Variants in GYPC observed in about 807,000 individuals in gnomAD.
The protein encoded by GYPC is glycophorin-C.
GYPC carries 14 observed loss-of-function variants against 12.6 expected under a neutral mutation model. That is an observed-to-expected ratio of 1.11 (90% CI 0.74 to 1.74). The LOEUF (loss-of-function observed/expected upper bound fraction) is 1.74. Ranked by LOEUF, GYPC falls within the 40% of genes most tolerant of loss-of-function variation. The probability of loss-of-function intolerance (pLI) is 0.00; values close to 1 mark genes in which losing one functional copy is unlikely to be tolerated. For missense variants in GYPC, 225 were observed against 172.1 expected (o/e 1.31, Z -1.72); for synonymous variants, 78 against 62.1 (o/e 1.26, Z -1.20).
chr2:126,691,424 C>G (rs1319617531), intron 2 of GYPC, among the ~76,000 whole-genome samples: 1 of 152,120 alleles, frequency 6.6e-6, no homozygotes, highest in African/African-American at 2.4e-5. Context: ...GCATTCTCTG[C>G]GTTACCCTCT....
chr2:126,660,441 G>C (rs768482488), intron 1 of GYPC, among the ~76,000 whole-genome samples: 1 of 152,132 alleles, frequency 6.6e-6, no homozygotes, highest in Non-Finnish European at 1.5e-5. Flanking sequence ...AACACGCCGC[G>C]GGCCTGGCAC....
intron 3 of GYPC, 65 bp downstream of exon 3, chr2:126,694,012 G>A (rs569679545): frequency 1.9e-4 from 209 of 1,103,442 alleles, no homozygotes; most frequent in Admixed American, 3.7e-4. Context: ...AACATCCAGG[G>A]GAGAACTGAC....
chr2:126,684,549 G>A (rs1170150091), intron 1 of GYPC, among the ~76,000 whole-genome samples: 2 of 152,140 alleles, frequency 1.3e-5, no homozygotes, highest in African/African-American at 4.8e-5. Flanking sequence ...CACCTCTTCA[G>A]GAAGCCTTTC....
chr2:126,675,655 T>G (rs758700832), intron 1 of GYPC: 54 of 983,856 alleles, frequency 5.5e-5, no homozygotes, highest in Non-Finnish European at 6.3e-5. Flanking sequence ...CTATGACCTC[T>G]TCACCTGTCG....
intron 1 of GYPC, among the ~76,000 whole-genome samples, chr2:126,689,155 A>G (rs1333237699): frequency 1.3e-5 from 2 of 152,104 alleles, no homozygotes; most frequent in African/African-American, 2.4e-5. Flanking sequence ...CAGCAGAGTC[A>G]ATGTAAAGAC....
chr2:126,682,874 C>G (rs751130946), intron 1 of GYPC, among the ~76,000 whole-genome samples: 2 of 152,206 alleles, frequency 1.3e-5, no homozygotes, highest in Non-Finnish European at 2.9e-5. Context: ...GCTTCCCAGA[C>G]GTAAGAGCCA....
chr2:126,671,355 TC>T (rs1682849972), intron 1 of GYPC, among the ~76,000 whole-genome samples: 1 of 152,170 alleles, frequency 6.6e-6, no homozygotes, highest in African/African-American at 2.4e-5. Flanking sequence ...GAGGCAGGCT[TC>T]CCTGAGCCCG....
At position 126,690,261 on chromosome 2, in the gene GYPC, A is replaced by T. The variant is rs749522569; in HGVS notation, c.56A>T (p.Asp19Val). 2.7e-5 allele frequency: 43 copies of T among 1,612,156 alleles called. No individual in the cohort carries two copies. Among genetic ancestry groups the T allele is most frequent in the Non-Finnish European group, 5.1e-6 (6 of 1,178,354 alleles). Residue 19 changes from aspartate to valine, a missense_variant, in exon 2 of 4, where the codon GAT (aspartate) becomes GTT (valine). By Grantham distance (152) the Asp-to-Val change is radical. Coordinates refer to ENST00000259254, the MANE Select transcript of GYPC (RefSeq NM_002101.5). ...STAWPLSLEP[D>V]PGMASASTTM... ...TCTTGTCCTCTGTTCACAGAGCCTG[A>T]TCCGGGGATGGCCTCTGCCTCCACC...
At chr2:126,682,435 G>A (rs925633164) in intron 1 of GYPC, among the ~76,000 whole-genome samples, 1 of 152,176 alleles carries the variant, frequency 6.6e-6, no homozygotes, top group African/African-American at 2.4e-5. Context: ...GGGGTAGACA[G>A]GGGACACGCA....
intron 1 of GYPC, among the ~76,000 whole-genome samples, chr2:126,666,808 C>T (rs567159649): frequency 1.3e-3 from 192 of 151,192 alleles, no homozygotes; most frequent in African/African-American, 4.2e-3. Flanking sequence ...CACACCATCT[C>T]CTTGCGTTTC....
chr2:126,687,354 C>A (rs1470305384), intron 1 of GYPC, among the ~76,000 whole-genome samples: 1 of 152,202 alleles, frequency 6.6e-6, no homozygotes, highest in Non-Finnish European at 1.5e-5. Context: ...GGGTCCCAGT[C>A]CTAGTGTTTT....
chr2:126,691,708 G>A (rs1683470656), intron 2 of GYPC, among the ~76,000 whole-genome samples: 1 of 152,164 alleles, frequency 6.6e-6, no homozygotes, highest in Non-Finnish European at 1.5e-5. Flanking sequence ...ACTGTTGCAA[G>A]GACCATGTTA....
chr2:126,696,318 C>T lies in GYPC; in HGVS notation c.*176C>T, dbSNP rs1306749608. 2.3e-5 allele frequency: 15 copies of T among 649,272 alleles called. No individual in the cohort carries two copies. Among genetic ancestry groups the T allele is most frequent in the South Asian group, 2.2e-4 (13 of 58,498 alleles). 40.2% of individuals were successfully genotyped at this position (649,272 alleles called of 1,614,324 possible). ...GCCCAGGGAGGAACGGAGGAGGACT[C>T]GCGCTACAAGAGGCCACTCCCAGGG... On this transcript the variant is annotated 3_prime_UTR_variant, in exon 4 of 4. Transcript: ENST00000259254.
intron 1 of GYPC, among the ~76,000 whole-genome samples, chr2:126,664,421 A>G (rs1682625118): frequency 6.6e-6 from 1 of 152,080 alleles, no homozygotes; most frequent in African/African-American, 2.4e-5. Context: ...CAGAGAACCT[A>G]CCAGCCCCTC....
chr2:126,687,110 G>A lies in GYPC; in HGVS notation c.50-3145G>A, dbSNP rs186811900. 2.3e-4 allele frequency among the ~76,000 whole-genome samples: 35 copies of A among 152,300 alleles called. No individual in the cohort carries two copies. In the East Asian group the frequency reaches 6.2e-3, roughly 27 times the overall value. Reference sequence around the variant, plus strand: ...GGGCTCTCACCCCTCCATCTCCAGAGGCTTCCGGAGCCTTGGAGCCGTGGA... The same window carrying A: ...GGGCTCTCACCCCTCCATCTCCAGAAGCTTCCGGAGCCTTGGAGCCGTGGA... On this transcript the variant is annotated intron_variant, in intron 1 of 3. Coordinates refer to ENST00000259254, the MANE Select transcript of GYPC (RefSeq NM_002101.5).
In GYPC at chr2:126,656,267, T is replaced by A; in HGVS notation, c.4T>A (p.Trp2Arg). M[W>R]STRSPNSTAW... ...CTGCCCGGGCTGACGCCCAGGAATG[T>A]GGTCGACGAGAAGCCCCAACAGCAC... Residue 2 changes from tryptophan to arginine, a missense_variant, in exon 1 of 4, where the codon TGG becomes AGG. By Grantham distance (101) the Trp-to-Arg change is moderately radical. Transcript: ENST00000259254. The A allele has an allele frequency of 6.2e-7, 1 of 1,603,660 alleles. No homozygotes were observed. The highest frequency in any genetic ancestry group is 1.1e-5 in the South Asian group (1 of 89,844).
chr2:126,675,976 T>C (rs190091654), intron 1 of GYPC, among the ~76,000 whole-genome samples: 2 of 152,376 alleles, frequency 1.3e-5, no homozygotes, highest in East Asian at 3.9e-4. Flanking sequence ...TTTGTTTCAT[T>C]ATGAAACCAT....
In GYPC at chr2:126,681,793, A is replaced by G. The variant is rs985306975; in HGVS notation, c.50-8462A>G. ...AAACTTCATCCAAAAAAAAAAAAAA[A>G]AGAAAGAAAGAAAGAAAAGAAAAGA... On this transcript the variant is annotated intron_variant, in intron 1 of 3. Coordinates refer to ENST00000259254, the MANE Select transcript of GYPC (RefSeq NM_002101.5). Among the ~76,000 whole-genome samples the G allele has an allele frequency of 2.3e-3, 252 of 109,508 alleles. 2 individuals are homozygous for G. The highest frequency in any genetic ancestry group is 6.8e-3 in the African/African-American group (245 of 36,124). 71.8% of individuals were successfully genotyped at this position (109,508 alleles called of 152,430 possible).
rs562161979 is a variant in GYPC, at chr2:126,689,347, A to T, written c.50-908A>T. On this transcript the variant is annotated intron_variant, in intron 1 of 3. Transcript: ENST00000259254. ...GGTGTTCTTCCTGTGAGATGGGCCAATAACACCAGGCACCTCATAGGATGG... is the reference window on the plus strand; with the variant it reads ...GGTGTTCTTCCTGTGAGATGGGCCATTAACACCAGGCACCTCATAGGATGG... Among the ~76,000 whole-genome samples the T allele has an allele frequency of 6.4e-4, 97 of 152,320 alleles. 2 individuals carry two copies. In the South Asian group the frequency reaches 0.013, roughly 20 times the overall value.
Sources: allele counts gnomAD v4.1 joint callset (sites outside exome capture counted in the v4.1 genomes callset), GRCh38; gene constraint gnomAD v4.1.1; transcripts MANE v1.5; gene names NCBI Gene and HGNC (gene_info 2026-07-23, HGNC 2026-07-21).